The following FBXO4 variants were observed in gnomAD, a reference collection of about 807,000 sequenced individuals.
The protein encoded by FBXO4 is F-box only protein 4.
Under a neutral mutation model 43.7 loss-of-function variants are expected in FBXO4, and 36 were observed. That is an observed-to-expected ratio of 0.82 (90% CI 0.63 to 1.09). The LOEUF (loss-of-function observed/expected upper bound fraction) is 1.09. Ranked by LOEUF, FBXO4 falls within the 50% of genes least tolerant of loss-of-function variation. FBXO4 has a pLI of 0.00. For missense variants in FBXO4, 435 were observed against 474.1 expected, an observed-to-expected ratio of 0.92 and a Z score of 0.77; for synonymous variants, 180 against 165.6, an observed-to-expected ratio of 1.09 and a Z score of -0.67.
chr5:42,015,264 G>T, the FBXO4 span, among the ~76,000 whole-genome samples: 1 of 152,186 alleles, frequency 6.6e-6, no homozygotes, highest in African/African-American at 2.4e-5. Flanking sequence ...GCATACTGTT[G>T]AGATTTTGTG....
the FBXO4 span, among the ~76,000 whole-genome samples, chr5:42,031,954 A>G: frequency 1.3e-5 from 2 of 152,130 alleles, no homozygotes; most frequent in East Asian, 3.9e-4. Context: ...CTTGGAAAAG[A>G]TTCAGGAGAA....
At chr5:41,994,159 C>A in the FBXO4 span, among the ~76,000 whole-genome samples, 1 of 152,108 alleles carries the variant, frequency 6.6e-6, no homozygotes, top group African/African-American at 2.4e-5. Flanking sequence ...ATACAACTAT[C>A]CTTCGTACAA....
chr5:41,999,493 A>G, the FBXO4 span, among the ~76,000 whole-genome samples: 4 of 63,516 alleles, frequency 6.3e-5, 1 homozygote, highest in African/African-American at 2.1e-4. Context: ...ATATATATAT[A>G]CATATATATA....
chr5:41,941,137 A>C, intron 6 of FBXO4, 55 bp from the exon 7 acceptor site: 19 of 1,412,338 alleles, frequency 1.3e-5, no homozygotes, highest in Non-Finnish European at 1.8e-5. Context: ...CCTCCTACTC[A>C]TAAGATTTTG....
At chr5:42,039,502 C>T in the FBXO4 span, among the ~76,000 whole-genome samples, 1 of 152,038 alleles carries the variant, frequency 6.6e-6, no homozygotes, top group South Asian at 2.1e-4. Context: ...CTTCTTTCTC[C>T]TCTGTCAGTA....
At chr5:41,971,288 T>C in the FBXO4 span, among the ~76,000 whole-genome samples, 7 of 151,614 alleles carry the variant, frequency 4.6e-5, no homozygotes, top group African/African-American at 1.2e-4. Context: ...GTGATGAGCA[T>C]TGGTGGACAC....
At chr5:42,034,452 G>C in the FBXO4 span, among the ~76,000 whole-genome samples, 1 of 152,126 alleles carries the variant, frequency 6.6e-6, no homozygotes, top group African/African-American at 2.4e-5. Context: ...CCTGTGTCCT[G>C]AATGGTATTA....
chr5:42,037,811 C>T, the FBXO4 span, among the ~76,000 whole-genome samples: 2 of 152,066 alleles, frequency 1.3e-5, no homozygotes, highest in Admixed American at 1.3e-4. Flanking sequence ...CTCAATTTTC[C>T]ATCCCCTTAA....
At chr5:41,936,540 CA>C (rs563467516) in intron 5 of FBXO4, among the ~76,000 whole-genome samples, 124 of 151,512 alleles carry the variant, frequency 8.2e-4, no homozygotes, top group African/African-American at 2.9e-3. Flanking sequence ...CCCCAACCCA[CA>C]AAAAAATGAG....
Position 41,941,177 on chromosome 5 carries a change from C to G in FBXO4, c.1075-15C>G, listed in dbSNP as rs1751995274. The G allele has an allele frequency of 1.2e-6, 2 of 1,608,638 alleles. No individual in the cohort carries two copies. Among genetic ancestry groups the G allele is most frequent in the Admixed American group, 1.7e-5 (1 of 59,992 alleles). ...TAGTTTCTTACTAACAACATTCTCT[C>G]TTATGTATTCCGAGGTCCAGGATAC... is the stretch of plus-strand genomic sequence containing the variant. On this transcript the variant is annotated splice_polypyrimidine_tract_variant and intron_variant, in intron 6 of 6. Transcript: ENST00000281623.
the FBXO4 span, among the ~76,000 whole-genome samples, chr5:41,984,316 T>C: frequency 6.6e-6 from 1 of 152,286 alleles, no homozygotes; most frequent in South Asian, 2.1e-4. Context: ...CAAAGTAAAA[T>C]CTTTCAAATT....
At chr5:41,976,054 C>T in the FBXO4 span, among the ~76,000 whole-genome samples, 2 of 152,090 alleles carry the variant, frequency 1.3e-5, no homozygotes, top group East Asian at 1.9e-4. Flanking sequence ...CCAGATCTCA[C>T]ATGAACTACC....
the FBXO4 span, among the ~76,000 whole-genome samples, chr5:42,022,664 T>C: frequency 1.3e-5 from 2 of 152,108 alleles, no homozygotes; most frequent in Non-Finnish European, 2.9e-5. Flanking sequence ...AGTTACATGC[T>C]TCAGTATTCC....
the FBXO4 span, among the ~76,000 whole-genome samples, chr5:42,024,428 G>A: frequency 6.6e-6 from 1 of 150,976 alleles, no homozygotes; most frequent in Admixed American, 6.6e-5. Flanking sequence ...AATTTTTGTG[G>A]GTACCTAATA....
At chr5:41,937,707 T>G (rs1270689264) in intron 5 of FBXO4, among the ~76,000 whole-genome samples, 2 of 152,232 alleles carry the variant, frequency 1.3e-5, no homozygotes, top group African/African-American at 4.8e-5. Flanking sequence ...AGTCCAAGAT[T>G]AAGGCACCAG....
chr5:41,926,596 A>T (rs1054948529), intron 1 of FBXO4, among the ~76,000 whole-genome samples: 11 of 151,696 alleles, frequency 7.3e-5, no homozygotes, highest in Admixed American at 2.6e-4. Flanking sequence ...ACAAATGTAC[A>T]CTCTTTGATT....
chr5:41,993,606 C>T, the FBXO4 span, among the ~76,000 whole-genome samples: 1 of 128,150 alleles, frequency 7.8e-6, no homozygotes, highest in Non-Finnish European at 1.6e-5. Context: ...TCAAGAGAGA[C>T]AGAACTAATA....
At chr5:41,987,039 T>G in the FBXO4 span, among the ~76,000 whole-genome samples, 11 of 152,138 alleles carry the variant, frequency 7.2e-5, no homozygotes, top group Non-Finnish European at 1.3e-4. Context: ...TGCTACATTC[T>G]GACTAACTAG....
the FBXO4 span, among the ~76,000 whole-genome samples, chr5:42,021,284 G>A: frequency 6.6e-6 from 1 of 152,130 alleles, no homozygotes. Context: ...GGATACAAGG[G>A]AAAGATTCAA....
Sources: allele counts gnomAD v4.1 joint callset (sites outside exome capture counted in the v4.1 genomes callset), GRCh38; gene constraint gnomAD v4.1.1; transcripts MANE v1.5; gene names NCBI Gene and HGNC (gene_info 2026-07-23, HGNC 2026-07-21).